Variants in CFI observed in about 807,000 individuals in gnomAD.
CFI encodes the protein complement factor I.
CFI carries 66 observed loss-of-function variants against 78.8 expected under a neutral mutation model. That is an observed-to-expected ratio of 0.84 (90% CI 0.69 to 1.03). The LOEUF is 1.03. CFI is among the 50% of genes least tolerant of loss of function. CFI has a pLI of 0.00. For missense variants in CFI, 706 were observed against 704.5 expected (o/e 1.00, Z -0.02); for synonymous variants, 250 against 232.6 (o/e 1.07, Z -0.68).
intron 10 of CFI, among the ~76,000 whole-genome samples, chr4:109,747,876 G>A (rs973028931): frequency 1.3e-5 from 2 of 152,082 alleles, no homozygotes; most frequent in Non-Finnish European, 1.5e-5. Flanking sequence ...GCACAGCCTA[G>A]ATCCTTCACA....
the CFI span, among the ~76,000 whole-genome samples, chr4:109,734,125 T>C: frequency 0.38 from 58,396 of 152,000 alleles, 12,524 homozygotes; most frequent in East Asian, 0.64. Flanking sequence ...AGAGCCAAGA[T>C]TGCGCTATTG....
intron 9 of CFI, 32 bp downstream of exon 9, chr4:109,749,467 C>T (rs766400326): frequency 1.3e-6 from 2 of 1,556,006 alleles, no homozygotes; most frequent in Admixed American, 3.3e-5. Context: ...TGTTTCTGGG[C>T]AGTTGCATTG....
chr4:109,751,004 T>C (rs970931630), intron 8 of CFI, among the ~76,000 whole-genome samples: 2 of 152,182 alleles, frequency 1.3e-5, no homozygotes, highest in Non-Finnish European at 2.9e-5. Flanking sequence ...CCCTACAGTA[T>C]ATAATCTCTG....
At chr4:109,735,299 G>T in the CFI span, among the ~76,000 whole-genome samples, 1 of 152,256 alleles carries the variant, frequency 6.6e-6, no homozygotes, top group African/African-American at 2.4e-5. Context: ...CAATAATCAG[G>T]ATAGGCAGTC....
At chr4:109,784,977 C>A (rs896637579) in intron 1 of CFI, among the ~76,000 whole-genome samples, 5 of 152,100 alleles carry the variant, frequency 3.3e-5, no homozygotes, top group African/African-American at 9.7e-5. Context: ...TGACAATACA[C>A]CCTCCCCACC....
rs148947350 is a variant in CFI, at chr4:109,761,805, G to A, written c.483-113C>T. ...ATGTCCTCTCATTCTCTATATAGGA[G>A]TTACAGCTTGGGCAAGATACCGAAA... On this transcript the variant is annotated intron_variant, in intron 3 of 12. Coordinates refer to ENST00000394634, the MANE Select transcript of CFI (RefSeq NM_000204.5). 7.2e-4 allele frequency: 627 copies of A among 869,876 alleles called. 1 individual carries two copies. Among genetic ancestry groups the A allele is most frequent in the Middle Eastern group, 1.6e-3 (7 of 4,362 alleles). 53.9% of individuals were successfully genotyped at this position (869,876 alleles called of 1,614,324 possible).
Position 109,761,641 on chromosome 4 carries a change from GGAATTTATAGAGA to G in CFI, c.521_533del (p.Leu174ProfsTer12), listed in dbSNP as rs1727077320. 1 of 1,613,556 alleles carries G rather than the reference GGAATTTATAGAGA, an allele frequency of 6.2e-7. No homozygotes were observed. The highest frequency in any genetic ancestry group is 8.5e-7 in the Non-Finnish European group (1 of 1,179,714). On this transcript the variant is annotated frameshift_variant, in exon 4 of 13. Coordinates refer to ENST00000394634, the MANE Select transcript of CFI (RefSeq NM_000204.5). LOFTEE classifies it high-confidence loss of function. Reference sequence around the variant, plus strand: ...GGCAATGCACATGTAGACATTCAGTGGAATTTATAGAGAGATCAGACAACTTAAACCTTCTTTG... The same window carrying G: ...GGCAATGCACATGTAGACATTCAGTGGATCAGACAACTTAAACCTTCTTTG...
intron 1 of CFI, among the ~76,000 whole-genome samples, chr4:109,800,545 C>A (rs1732655165): frequency 6.6e-6 from 1 of 151,716 alleles, no homozygotes; most frequent in Non-Finnish European, 1.5e-5. Flanking sequence ...CATTAGAAGG[C>A]CCCAGCAGCC....
At chr4:109,757,856 A>G in intron 6 of CFI, 73 bp from the exon 7 acceptor site, 4 of 1,282,412 alleles carry the variant, frequency 3.1e-6, no homozygotes, top group Non-Finnish European at 4.4e-6. Context: ...GCAATATACT[A>G]TACATATATC....
intron 6 of CFI, among the ~76,000 whole-genome samples, chr4:109,758,459 T>A (rs1726602373): frequency 6.6e-6 from 1 of 152,118 alleles, no homozygotes. Flanking sequence ...ATAAGGAATA[T>A]TTTTCACCAT....
chr4:109,750,873 C>T (rs1045890284), intron 8 of CFI, among the ~76,000 whole-genome samples: 3 of 152,170 alleles, frequency 2.0e-5, no homozygotes, highest in Non-Finnish European at 4.4e-5. Flanking sequence ...ACCCCAATTC[C>T]GGGAAGGCCT....
At chr4:109,747,685 G>C (rs1268677534) in intron 10 of CFI, among the ~76,000 whole-genome samples, 3 of 152,048 alleles carry the variant, frequency 2.0e-5, no homozygotes, top group Admixed American at 2.0e-4. Context: ...CAATTTAATG[G>C]AAATCTTTTC....
intron 2 of CFI, among the ~76,000 whole-genome samples, chr4:109,766,042 C>T (rs1440440811): frequency 2.0e-5 from 3 of 151,962 alleles, no homozygotes; most frequent in Admixed American, 6.6e-5. Flanking sequence ...GGCATGAACC[C>T]GGGAGGCAGA....
chr4:109,788,480 A>G (rs966267298), intron 1 of CFI, among the ~76,000 whole-genome samples: 2 of 151,944 alleles, frequency 1.3e-5, no homozygotes, highest in East Asian at 3.9e-4. Flanking sequence ...AGAGATTTTT[A>G]CTTCTTTCTT....
At chr4:109,741,181 T>C in intron 12 of CFI, 71 bp from the exon 13 acceptor site, 8 of 1,608,374 alleles carry the variant, frequency 5.0e-6, no homozygotes, top group South Asian at 1.1e-5. Context: ...GCCTCCTCCA[T>C]GGCATTTAAC....
chr4:109,785,745 T>A (rs1730658692), intron 1 of CFI, among the ~76,000 whole-genome samples: 1 of 152,030 alleles, frequency 6.6e-6, no homozygotes, highest in Non-Finnish European at 1.5e-5. Flanking sequence ...GGTAATTAAA[T>A]CATGGGGGCG....
At position 109,749,873 on chromosome 4, in the gene CFI, C is replaced by T. The variant is rs75903314; in HGVS notation, c.941-271G>A. ...GCTGGCCAAGAGGTTAAACATTTACCAGCCTCTAGCTGATAAAGGATGCCA... is the reference window on the plus strand; with the variant it reads ...GCTGGCCAAGAGGTTAAACATTTACTAGCCTCTAGCTGATAAAGGATGCCA... On this transcript the variant is annotated intron_variant, in intron 8 of 12. Coordinates refer to ENST00000394634, the MANE Select transcript of CFI (RefSeq NM_000204.5). Among the ~76,000 whole-genome samples the T allele has an allele frequency of 7.3e-3, 1,118 of 152,320 alleles. 9 individuals are homozygous for T. Among genetic ancestry groups the T allele is most frequent in the African/African-American group, 0.026 (1,063 of 41,560 alleles).
chr4:109,792,254 A>C (rs1355162511), intron 1 of CFI, among the ~76,000 whole-genome samples: 1 of 152,072 alleles, frequency 6.6e-6, no homozygotes, highest in African/African-American at 2.4e-5. Context: ...TAGAAAGTGG[A>C]GTATTGAAGC....
intron 1 of CFI, among the ~76,000 whole-genome samples, chr4:109,801,120 A>AT (rs1732721618): frequency 6.6e-6 from 1 of 152,170 alleles, no homozygotes; most frequent in African/African-American, 2.4e-5. Flanking sequence ...TATTTTAAAC[A>AT]TTTTTCACCT....
Sources: gnomAD v4.1 joint callset for allele counts (sites outside exome capture counted in the v4.1 genomes callset) on GRCh38, gnomAD v4.1.1 for gene constraint, MANE v1.5 for transcripts, NCBI Gene and HGNC (gene_info 2026-07-23, HGNC 2026-07-21) for gene names.